Variants in CDK6 observed in about 807,000 individuals in gnomAD.
The protein encoded by CDK6 is cyclin-dependent kinase 6.
CDK6 carries 6 observed loss-of-function variants against 37.1 expected under a neutral mutation model. The observed-to-expected ratio is 0.16, with a 90% CI of 0.09 to 0.32. The LOEUF (loss-of-function observed/expected upper bound fraction) is 0.32. CDK6 is among the 10% of genes least tolerant of loss of function. CDK6 has a pLI of 1.00. For missense variants in CDK6, 224 were observed against 418.9 expected (o/e 0.53, Z 4.06); for synonymous variants, 160 against 161.3 (o/e 0.99, Z 0.06).
chr7:92,797,169 C>A (rs922032871), intron 2 of CDK6, among the ~76,000 whole-genome samples: 1 of 152,124 alleles, frequency 6.6e-6, no homozygotes, highest in African/African-American at 2.4e-5. Flanking sequence ...AATGAAACTT[C>A]CTCTCCTACA....
At chr7:92,687,893 T>C (rs1797499682) in intron 4 of CDK6, among the ~76,000 whole-genome samples, 1 of 152,202 alleles carries the variant, frequency 6.6e-6, no homozygotes, top group Non-Finnish European at 1.5e-5. Context: ...AGGAATCATG[T>C]GTTTTGCTTC....
chr7:92,803,820 G>A (rs1227668227), intron 2 of CDK6, among the ~76,000 whole-genome samples: 15 of 152,166 alleles, frequency 9.9e-5, no homozygotes, highest in Non-Finnish European at 8.8e-5. Context: ...ACCAGGAAAT[G>A]TTTTAAAGGG....
intron 3 of CDK6, among the ~76,000 whole-genome samples, chr7:92,748,009 C>T (rs761294073): frequency 9.2e-5 from 14 of 152,128 alleles, no homozygotes; most frequent in Non-Finnish European, 1.2e-4. Flanking sequence ...AGGGAAAATG[C>T]GCAGATGGTA....
chr7:92,630,494 A>G (rs1326506490), intron 5 of CDK6, among the ~76,000 whole-genome samples: 1 of 152,186 alleles, frequency 6.6e-6, no homozygotes, highest in African/African-American at 2.4e-5. Context: ...AAAACTTTGC[A>G]AATGAAAGAA....
At chr7:92,653,841 A>G (rs1012393412) in intron 5 of CDK6, among the ~76,000 whole-genome samples, 2 of 152,146 alleles carry the variant, frequency 1.3e-5, no homozygotes, top group African/African-American at 4.8e-5. Flanking sequence ...TCCTGGGCTT[A>G]AGCAATCCCC....
chr7:92,677,477 G>T (rs868177548), intron 4 of CDK6, among the ~76,000 whole-genome samples: 4 of 152,074 alleles, frequency 2.6e-5, no homozygotes, highest in African/African-American at 9.7e-5. Flanking sequence ...AAATTAGCCA[G>T]GTGTGGTGGC....
At chr7:92,758,507 C>T (rs1322877220) in intron 3 of CDK6, among the ~76,000 whole-genome samples, 1 of 152,094 alleles carries the variant, frequency 6.6e-6, no homozygotes, top group African/African-American at 2.4e-5. Flanking sequence ...TGTTTTTGTA[C>T]CAGTACCGTG....
At position 92,605,938 on chromosome 7, in the gene CDK6, T is replaced by C. The variant is rs1021235505; in HGVS notation, c.*9202A>G. On this transcript the variant is annotated 3_prime_UTR_variant, in exon 8 of 8. Transcript: ENST00000424848. ...ACAAAGTCACCTGCCAACATTCTTA[T>C]AAGACTGTGTCCCAGGCAGTGAATT... 4 of 233,704 alleles carry C rather than the reference T, an allele frequency of 1.7e-5. No individual in the cohort carries two copies. Among genetic ancestry groups the C allele is most frequent in the Non-Finnish European group, 3.4e-5 (4 of 118,028 alleles). The allele number at this position is 233,704 out of a possible 1,614,324, so 14.5% of individuals were successfully genotyped here. A position where few individuals can be genotyped will look rare whatever the true frequency, so the allele number is the denominator to read the frequency against.
intron 2 of CDK6, among the ~76,000 whole-genome samples, chr7:92,784,129 C>T (rs1218605127): frequency 1.3e-5 from 2 of 151,716 alleles, no homozygotes; most frequent in Non-Finnish European, 2.9e-5. Context: ...TCATAAAATG[C>T]GATTTGTTGT....
chr7:92,784,988 T>TA (rs551506165), intron 2 of CDK6, among the ~76,000 whole-genome samples: 24 of 152,266 alleles, frequency 1.6e-4, no homozygotes, highest in African/African-American at 5.3e-4. Flanking sequence ...ACTAGTTAAT[T>TA]AAAAAATCTT....
At chr7:92,773,779 G>A (rs530372521) in intron 3 of CDK6, among the ~76,000 whole-genome samples, 7 of 152,256 alleles carry the variant, frequency 4.6e-5, no homozygotes, top group Non-Finnish European at 8.8e-5. Context: ...ATCTGAGAAC[G>A]TCATTTAGCT....
intron 4 of CDK6, among the ~76,000 whole-genome samples, chr7:92,712,857 TG>T (rs1436340496): frequency 6.6e-6 from 1 of 151,028 alleles, no homozygotes; most frequent in African/African-American, 2.5e-5. Context: ...TATGTATGTA[TG>T]TATGTATGTA....
chr7:92,786,716 A>G (rs548558917), intron 2 of CDK6, among the ~76,000 whole-genome samples: 1 of 149,396 alleles, frequency 6.7e-6, no homozygotes, highest in East Asian at 1.9e-4. Flanking sequence ...TACACATTAT[A>G]TATGATATAT....
At chr7:92,739,626 C>T (rs1798871067) in intron 3 of CDK6, among the ~76,000 whole-genome samples, 1 of 152,276 alleles carries the variant, frequency 6.6e-6, no homozygotes, top group Admixed American at 6.5e-5. Context: ...GCCCTTCTCT[C>T]CCATCTCCAT....
At chr7:92,621,040 C>T (rs42045) in intron 6 of CDK6, among the ~76,000 whole-genome samples, 94,152 of 152,204 alleles carry the variant, frequency 0.62, 30,054 homozygotes, top group East Asian at 0.79. Flanking sequence ...AATGCTTGCA[C>T]TTAATTCCAC....
chr7:92,672,168 C>CAT lies in CDK6; in HGVS notation c.538-634_538-633insAT, dbSNP rs1170361829. On this transcript the variant is annotated intron_variant, in intron 4 of 7. Coordinates refer to ENST00000424848, the MANE Select transcript of CDK6 (RefSeq NM_001145306.2). ...ATATATATATATATATATACACATA[C>CAT]ACACACACACACACAGACACATACA... Among the ~76,000 whole-genome samples, 287 of 92,768 alleles carry CAT rather than the reference C, an allele frequency of 3.1e-3. 14 individuals are homozygous for CAT. The highest frequency in any genetic ancestry group is 0.012 in the African/African-American group (273 of 22,110). The allele number at this position is 92,768 out of a possible 152,430, so 60.9% of individuals were successfully genotyped here. A position where few individuals can be genotyped will look rare whatever the true frequency, so the allele number is the denominator to read the frequency against.
At chr7:92,721,207 T>C (rs2116700549) in intron 4 of CDK6, among the ~76,000 whole-genome samples, 1 of 152,348 alleles carries the variant, frequency 6.6e-6, no homozygotes, top group South Asian at 2.1e-4. Context: ...TCTGCCCATA[T>C]GCTGCAAACA....
At chr7:92,784,897 T>C (rs908358528) in intron 2 of CDK6, among the ~76,000 whole-genome samples, 5 of 152,184 alleles carry the variant, frequency 3.3e-5, no homozygotes, top group Admixed American at 3.3e-4. Context: ...CAAGATGTCA[T>C]TAGGAAAGCG....
At chr7:92,692,028 G>T (rs374505764) in intron 4 of CDK6, among the ~76,000 whole-genome samples, 21 of 152,256 alleles carry the variant, frequency 1.4e-4, no homozygotes, top group African/African-American at 5.1e-4. Flanking sequence ...AGCACTTTGG[G>T]AGGCCGAGGT....
Sources: allele counts gnomAD v4.1 joint callset (sites outside exome capture counted in the v4.1 genomes callset), GRCh38; gene constraint gnomAD v4.1.1; transcripts MANE v1.5; gene names NCBI Gene and HGNC (gene_info 2026-07-23, HGNC 2026-07-21).